Variants in WDR76 observed in about 807,000 individuals in gnomAD.
The protein encoded by WDR76 is WD repeat-containing protein 76.
WDR76 carries 52 observed loss-of-function variants against 70.2 expected under a neutral mutation model. That is an observed-to-expected ratio of 0.74 (90% CI 0.59 to 0.93). The LOEUF is 0.93. WDR76 is among the 40% of genes least tolerant of loss of function. The pLI, the probability that WDR76 is intolerant of heterozygous loss-of-function variation, is 0.00. For missense variants in WDR76, 756 were observed against 760.2 expected (o/e 0.99, Z 0.07); for synonymous variants, 292 against 271.1 (o/e 1.08, Z -0.76).
chr15:43,857,636 A>G, intron 10 of WDR76: 1 of 482,712 alleles, frequency 2.1e-6, no homozygotes, highest in Non-Finnish European at 2.7e-6. Flanking sequence ...CCTGGCCAAT[A>G]TGGTGAGACC....
chr15:43,864,019 A>G (rs1467368190), intron 12 of WDR76: 1 of 152,212 alleles, frequency 6.6e-6, no homozygotes, highest in East Asian at 1.9e-4. Flanking sequence ...GCTTTTTAAT[A>G]TTCCCCATAT....
chr15:43,839,751 T>C (rs2087701330), intron 5 of WDR76, 23 bp downstream of exon 5: 3 of 1,566,120 alleles, frequency 1.9e-6, no homozygotes, highest in East Asian at 2.3e-5. Context: ...GCAAATATAA[T>C]ATTTTAATGT....
At chr15:43,834,867 TG>T (rs34661776) in intron 2 of WDR76, among the ~76,000 whole-genome samples, 193 bp from the exon 3 acceptor site, 1 of 152,158 alleles carries the variant, frequency 6.6e-6, no homozygotes, top group African/African-American at 2.4e-5. Flanking sequence ...ACAGATATTT[TG>T]GGGGTATCCC....
chr15:43,859,040 G>A (rs1567192589), intron 11 of WDR76, among the ~76,000 whole-genome samples: 1 of 152,176 alleles, frequency 6.6e-6, no homozygotes, highest in Non-Finnish European at 1.5e-5. Context: ...GCAAAGGTCC[G>A]TAGGTACCCT....
rs566770982 is a variant in WDR76 at position 43,861,509 on chromosome 15, A to G, written c.1616+123A>G. On this transcript the variant is annotated intron_variant, in intron 12 of 12. Coordinates refer to ENST00000263795, the MANE Select transcript of WDR76 (RefSeq NM_024908.4). ...GTCCTGATTTTTGAATACAAAAATTATAAGTGTCCCAGTTTGCTAGTTCCT... is the reference window on the plus strand; with the variant it reads ...GTCCTGATTTTTGAATACAAAAATTGTAAGTGTCCCAGTTTGCTAGTTCCT... 16 of 987,734 alleles carry G rather than the reference A, an allele frequency of 1.6e-5. No individual in the cohort carries two copies. The African/African-American group carries it at 2.3e-4, about 14-fold the overall frequency. 61.2% of individuals were successfully genotyped at this position (987,734 alleles called of 1,614,324 possible). A position where few individuals can be genotyped will look rare whatever the true frequency, so the allele number is the denominator to read the frequency against.
At position 43,839,706 on chromosome 15, in the gene WDR76, C is replaced by T. The variant is rs748641969; in HGVS notation, c.710C>T (p.Pro237Leu). 17 of 1,608,540 alleles carry T rather than the reference C, an allele frequency of 1.1e-5. No homozygotes were observed. Among genetic ancestry groups the T allele is most frequent in the Middle Eastern group, 1.6e-4 (1 of 6,068 alleles). Residue 237 changes from proline (P) to leucine (L), a missense_variant, in exon 5 of 13, where the codon CCG becomes CTG. By Grantham distance (98) the Pro-to-Leu change is moderately conservative. Transcript: ENST00000263795. Reference sequence around the variant, plus strand: ...TCATTACCAGCAGCTCCAACACCGCCGACATTAGTAGCAGATGAAACTGTA... The same window carrying T: ...TCATTACCAGCAGCTCCAACACCGCTGACATTAGTAGCAGATGAAACTGTA... ...GVSLPAAPTP[P>L]TLVADETPLL...
chr15:43,852,761 C>T (rs2087877995), intron 9 of WDR76, among the ~76,000 whole-genome samples: 1 of 152,142 alleles, frequency 6.6e-6, no homozygotes, highest in African/African-American at 2.4e-5. Flanking sequence ...ATTCAAAGTT[C>T]ATCCATGTTG....
chr15:43,839,706 C>A lies in WDR76; in HGVS notation c.710C>A (p.Pro237Gln). The A allele has an allele frequency of 1.2e-6, 2 of 1,608,658 alleles. No homozygotes were observed. The highest frequency in any genetic ancestry group is 1.7e-6 in the Non-Finnish European group (2 of 1,177,036). The change falls in exon 5 of 13, where the codon CCG (proline) becomes CAG (glutamine). Residue 237 changes from proline to glutamine, a missense_variant. Transcript: ENST00000263795. ...TCATTACCAGCAGCTCCAACACCGC[C>A]GACATTAGTAGCAGATGAAACTGTA... is the stretch of plus-strand genomic sequence containing the variant. ...GVSLPAAPTP[P>Q]TLVADETPLL...
intron 7 of WDR76, among the ~76,000 whole-genome samples, chr15:43,842,986 A>G (rs964317253): frequency 6.6e-6 from 1 of 150,820 alleles, no homozygotes; most frequent in African/African-American, 2.4e-5. Context: ...ATGTATATAC[A>G]ATTTTGCATT....
intron 11 of WDR76, among the ~76,000 whole-genome samples, chr15:43,860,817 T>C (rs909670107): frequency 1.3e-5 from 2 of 151,748 alleles, no homozygotes; most frequent in African/African-American, 4.8e-5. Context: ...AAATGATTTC[T>C]ACGCTAAACT....
chr15:43,850,655 C>G (rs1479845353), intron 8 of WDR76, among the ~76,000 whole-genome samples: 3 of 152,118 alleles, frequency 2.0e-5, no homozygotes, highest in Non-Finnish European at 4.4e-5. Flanking sequence ...GTCCCAGGAC[C>G]AAATACCTTA....
chr15:43,838,984 T>A (rs1417034770), intron 4 of WDR76, among the ~76,000 whole-genome samples: 1 of 152,220 alleles, frequency 6.6e-6, no homozygotes, highest in Non-Finnish European at 1.5e-5. Context: ...CTATAACTGA[T>A]AATTTTTTAT....
rs567602240 is a variant in WDR76 at position 43,827,557 on chromosome 15, T to C, written c.61-408T>C. Among the ~76,000 whole-genome samples, 3 of 152,290 alleles carry C rather than the reference T, an allele frequency of 2.0e-5. No individual in the cohort carries two copies. In the South Asian group the frequency reaches 6.2e-4, roughly 32 times the overall value. On this transcript the variant is annotated intron_variant, in intron 1 of 12. Transcript: ENST00000263795. Reference sequence around the variant, plus strand: ...AGGGTGTCAATTTGGATTTATTTATTTTTTTGAGCTTAAGTCTCACTCTGT... The same window carrying C: ...AGGGTGTCAATTTGGATTTATTTATCTTTTTGAGCTTAAGTCTCACTCTGT...
At chr15:43,852,481 C>T (rs999756446) in intron 9 of WDR76, among the ~76,000 whole-genome samples, 1 of 152,198 alleles carries the variant, frequency 6.6e-6, no homozygotes, top group South Asian at 2.1e-4. Flanking sequence ...AAGTGATTCT[C>T]CTGTCTCAGC....
At chr15:43,841,825 G>A (rs2087729313) in intron 5 of WDR76, among the ~76,000 whole-genome samples, 1 of 152,032 alleles carries the variant, frequency 6.6e-6, no homozygotes, top group Admixed American at 6.6e-5. Flanking sequence ...GTGTGACTTT[G>A]GGCAAGTTAA....
Position 43,842,457 on chromosome 15 carries a change from C to T in WDR76, c.775C>T (p.Gln259Ter). ...GCCTTTAGAAATGACTTCTGAAAATCAAGAAGACAACAATGAACGATTTAA... is the reference window on the plus strand; with the variant it reads ...GCCTTTAGAAATGACTTCTGAAAATTAAGAAGACAACAATGAACGATTTAA... ...PGPLEMTSEN[Q>*]EDNNERFKGF... Residue 259 changes from glutamine to a stop codon, truncating the protein, a stop_gained, in exon 6 of 13, where the codon CAA (glutamine) becomes TAA (stop). Transcript: ENST00000263795. LOFTEE classifies it high-confidence loss of function. The T allele has an allele frequency of 6.2e-7, 1 of 1,613,978 alleles. No homozygotes were observed. The highest frequency in any genetic ancestry group is 8.5e-7 in the Non-Finnish European group (1 of 1,179,992).
At chr15:43,836,876 A>G (rs2087662566) in intron 4 of WDR76, among the ~76,000 whole-genome samples, 1 of 151,642 alleles carries the variant, frequency 6.6e-6, no homozygotes, top group African/African-American at 2.4e-5. Flanking sequence ...ACTAAAAAAA[A>G]AAAAAAAATT....
chr15:43,862,375 T>A (rs1201251422), intron 12 of WDR76, among the ~76,000 whole-genome samples: 1 of 147,116 alleles, frequency 6.8e-6, no homozygotes, highest in East Asian at 2.0e-4. Flanking sequence ...TGGAGTGCAG[T>A]GGCATGATCT....
chr15:43,847,810 C>T (rs1050928071), intron 8 of WDR76, among the ~76,000 whole-genome samples: 2 of 152,142 alleles, frequency 1.3e-5, no homozygotes, highest in Admixed American at 1.3e-4. Flanking sequence ...TCACCTGCTT[C>T]GGCCTCCCAG....
Sources: allele counts gnomAD v4.1 joint callset (sites outside exome capture counted in the v4.1 genomes callset), GRCh38; gene constraint gnomAD v4.1.1; transcripts MANE v1.5; gene names NCBI Gene and HGNC (gene_info 2026-07-23, HGNC 2026-07-21).